Variants in LDB2 observed in about 807,000 individuals in gnomAD.
LDB2 encodes LIM domain-binding protein 2.
LDB2 carries 12 observed loss-of-function variants against 44.3 expected under a neutral mutation model. That is an observed-to-expected ratio of 0.27 (90% CI 0.17 to 0.44). LDB2 has a LOEUF of 0.44. Among genes scored for constraint, LDB2 ranks in the 20% least tolerant of loss-of-function variants. The probability of loss-of-function intolerance (pLI) is 1.00; values close to 1 mark genes in which losing one functional copy is unlikely to be tolerated. For synonymous variants in LDB2, 164 were observed against 174.8 expected (o/e 0.94, Z 0.49); for missense variants, 344 against 473.5 (o/e 0.73, Z 2.54).
chr4:16,838,194 T>C (rs1473535605), intron 1 of LDB2, among the ~76,000 whole-genome samples: 1 of 152,222 alleles, frequency 6.6e-6, no homozygotes, highest in Non-Finnish European at 1.5e-5. Flanking sequence ...TGGAAATATA[T>C]GAGCTAAACT....
intron 5 of LDB2, among the ~76,000 whole-genome samples, chr4:16,561,639 C>T (rs1742324622): frequency 6.6e-6 from 1 of 152,164 alleles, no homozygotes; most frequent in Non-Finnish European, 1.5e-5. Flanking sequence ...AATGGCCATA[C>T]TGCCCAAGGT....
chr4:16,736,132 G>A (rs1461172729), intron 2 of LDB2, among the ~76,000 whole-genome samples: 1 of 152,160 alleles, frequency 6.6e-6, no homozygotes, highest in African/African-American at 2.4e-5. Context: ...TCATGCTCCT[G>A]AAGCTCAGCT....
chr4:16,505,757 C>T lies in LDB2; in HGVS notation c.891+2778G>A, dbSNP rs763152276. The T allele has an allele frequency of 2.8e-5, 39 of 1,401,626 alleles. 2 individuals carry two copies. The highest frequency in any genetic ancestry group is 2.5e-5 in the Non-Finnish European group (26 of 1,048,604). 86.8% of individuals were successfully genotyped at this position (1,401,626 alleles called of 1,614,324 possible). On this transcript the variant is annotated intron_variant, in intron 7 of 7. Transcript: ENST00000304523. Reference sequence around the variant, plus strand: ...CAGCTCCCCACAAGGCCAACTTCTGCTCCTTGCTGGAAGCCCGGAGGTGCC... The same window carrying T: ...CAGCTCCCCACAAGGCCAACTTCTGTTCCTTGCTGGAAGCCCGGAGGTGCC...
chr4:16,652,650 G>A lies in LDB2; in HGVS notation c.236-56775C>T, dbSNP rs373918262. ...CGGGTACCACTTTAGGAGATCAAAAGCCGTCTGTCTGTGGGCTTTGGAAAA... is the reference window on the plus strand; with the variant it reads ...CGGGTACCACTTTAGGAGATCAAAAACCGTCTGTCTGTGGGCTTTGGAAAA... On this transcript the variant is annotated intron_variant, in intron 2 of 7. Coordinates refer to ENST00000304523, the MANE Select transcript of LDB2 (RefSeq NM_001290.5). Among the ~76,000 whole-genome samples the A allele has an allele frequency of 6.6e-4, 100 of 152,284 alleles. 2 individuals are homozygous for A. The South Asian group carries it at 0.019, about 30-fold the overall frequency.
At chr4:16,793,509 C>A (rs574809866) in intron 1 of LDB2, among the ~76,000 whole-genome samples, 4 of 152,152 alleles carry the variant, frequency 2.6e-5, no homozygotes, top group Admixed American at 2.6e-4. Flanking sequence ...TATTTTTAAT[C>A]GTGCAGGTCT....
chr4:16,512,163 T>G, intron 5 of LDB2, 59 bp from the exon 6 acceptor site: 1 of 1,433,882 alleles, frequency 7.0e-7, no homozygotes, highest in Non-Finnish European at 9.4e-7. Flanking sequence ...TTACAATAAA[T>G]AATGCTAACA....
At chr4:16,824,886 G>T (rs1487539724) in intron 1 of LDB2, among the ~76,000 whole-genome samples, 4 of 152,234 alleles carry the variant, frequency 2.6e-5, no homozygotes, top group African/African-American at 9.6e-5. Flanking sequence ...GAGCATCTCA[G>T]CCTGCTTAGA....
intron 2 of LDB2, chr4:16,674,075 C>T (rs1033622515): frequency 7.4e-6 from 3 of 404,606 alleles, no homozygotes; most frequent in Non-Finnish European, 9.4e-6. Context: ...CTCTCTTATA[C>T]GTTAACGCAA....
intron 1 of LDB2, among the ~76,000 whole-genome samples, chr4:16,766,050 C>T (rs967344938): frequency 5.3e-5 from 8 of 151,976 alleles, no homozygotes; most frequent in African/African-American, 1.9e-4. Context: ...GCCCATTACC[C>T]GGAATTAACA....
chr4:16,506,248 G>A (rs1057347069), intron 7 of LDB2: 1 of 360,060 alleles, frequency 2.8e-6, no homozygotes, highest in Non-Finnish European at 5.0e-6. Flanking sequence ...GGACACATAT[G>A]AATTTGTACA....
At chr4:16,708,838 C>A (rs924101843) in intron 2 of LDB2, among the ~76,000 whole-genome samples, 1 of 152,082 alleles carries the variant, frequency 6.6e-6, no homozygotes, top group African/African-American at 2.4e-5. Context: ...CTTTTCTCCT[C>A]AGTGGGAGTT....
chr4:16,603,913 GGCTAGAGC>G (rs1331675854), intron 2 of LDB2, among the ~76,000 whole-genome samples: 1 of 151,938 alleles, frequency 6.6e-6, no homozygotes, highest in African/African-American at 2.4e-5. Context: ...CTGTCACCTG[GGCTAGAGC>G]GCAGTAATGC....
intron 2 of LDB2, among the ~76,000 whole-genome samples, chr4:16,758,048 T>C (rs1188783601): frequency 6.6e-6 from 1 of 152,194 alleles, no homozygotes; most frequent in Non-Finnish European, 1.5e-5. Context: ...GGGCTGCTCC[T>C]CCCGTGTTTA....
At chr4:16,557,847 C>T (rs373543276) in intron 5 of LDB2, among the ~76,000 whole-genome samples, 2 of 152,236 alleles carry the variant, frequency 1.3e-5, no homozygotes, top group East Asian at 1.9e-4. Context: ...CTCACACGGC[C>T]GGGTACTCCT....
chr4:16,637,056 G>A (rs1327055707), intron 2 of LDB2, among the ~76,000 whole-genome samples: 12 of 152,070 alleles, frequency 7.9e-5, no homozygotes, highest in Admixed American at 7.9e-4. Context: ...ATTCCTCAAA[G>A]CCATTTTGCT....
At chr4:16,553,534 GTTGTTGT>G (rs948886031) in intron 5 of LDB2, among the ~76,000 whole-genome samples, 11 of 151,966 alleles carry the variant, frequency 7.2e-5, no homozygotes, top group Admixed American at 2.6e-4. Context: ...TTTTTTTGTT[GTTGTTGT>G]TTGTTGTTTG....
intron 2 of LDB2, among the ~76,000 whole-genome samples, chr4:16,721,279 C>T (rs1427355233): frequency 1.3e-5 from 2 of 152,072 alleles, no homozygotes; most frequent in African/African-American, 4.8e-5. Context: ...AGGGTCAGTT[C>T]TTAATTATCC....
intron 5 of LDB2, among the ~76,000 whole-genome samples, chr4:16,519,157 T>A (rs1332568374): frequency 6.6e-6 from 1 of 152,198 alleles, no homozygotes; most frequent in Non-Finnish European, 1.5e-5. Context: ...TTAGGTATAC[T>A]CAAATATTTG....
rs527985894 is a variant in LDB2 at position 16,800,174 on chromosome 4, T to C, written c.133-40914A>G. Among the ~76,000 whole-genome samples the C allele has an allele frequency of 2.0e-5, 3 of 152,176 alleles. No individual in the cohort carries two copies. In the South Asian group the frequency reaches 6.2e-4, roughly 32 times the overall value. ...GGAAAAAAAAAAATGTGAAAAGCTT[T>C]CAAATGGGCAAAAAAGATTCAAGGG... On this transcript the variant is annotated intron_variant, in intron 1 of 7. Transcript: ENST00000304523.
Sources: gnomAD v4.1 joint callset for allele counts (sites outside exome capture counted in the v4.1 genomes callset) on GRCh38, gnomAD v4.1.1 for gene constraint, MANE v1.5 for transcripts, NCBI Gene and HGNC (gene_info 2026-07-23, HGNC 2026-07-21) for gene names.